The following SNTG1 variants were observed in gnomAD, a reference collection of about 807,000 sequenced individuals.
The protein encoded by SNTG1 is gamma-1-syntrophin.
SNTG1 carries 39 observed loss-of-function variants against 74.7 expected under a neutral mutation model. The observed-to-expected ratio is 0.52, with a 90% CI of 0.40 to 0.68. The LOEUF (loss-of-function observed/expected upper bound fraction) is 0.68. Among genes scored for constraint, SNTG1 ranks in the 30% least tolerant of loss-of-function variants. The probability of loss-of-function intolerance (pLI) is 0.00; values close to 1 mark genes in which losing one functional copy is unlikely to be tolerated. For missense variants in SNTG1, 685 were observed against 609.5 expected (o/e 1.12, Z -1.30); for synonymous variants, 254 against 217.1 (o/e 1.17, Z -1.49).
At chr8:50,692,403 G>T (rs1345358447) in intron 15 of SNTG1, among the ~76,000 whole-genome samples, 1 of 152,018 alleles carries the variant, frequency 6.6e-6, no homozygotes, top group Non-Finnish European at 1.5e-5. Context: ...GGTCTTTGAT[G>T]ATGGTGACAT....
rs572856434 is a variant in SNTG1, at chr8:50,477,421, A to T, written c.364-25357A>T. Among the ~76,000 whole-genome samples the T allele has an allele frequency of 1.4e-4, 22 of 152,326 alleles. No homozygotes were observed. The South Asian group carries it at 4.6e-3, about 32-fold the overall frequency. On this transcript the variant is annotated intron_variant, in intron 8 of 18. Transcript: ENST00000642720. ...TAGTCTAATTATGAGAAAAAAAATC[A>T]GAAAAAAATACAATTCAGGAATATA...
intron 13 of SNTG1, among the ~76,000 whole-genome samples, chr8:50,635,653 T>C (rs2095034443): frequency 6.6e-6 from 1 of 152,086 alleles, no homozygotes; most frequent in South Asian, 2.1e-4. Context: ...ACTCAGCTTG[T>C]TGAGAATGCT....
chr8:50,752,904 A>G (rs1278861470), intron 18 of SNTG1, among the ~76,000 whole-genome samples: 7 of 151,826 alleles, frequency 4.6e-5, no homozygotes, highest in Non-Finnish European at 8.8e-5. Context: ...TGTTTTCCTT[A>G]GCTTTTTGTC....
chr8:49,982,026 T>A (rs374043961), intron 1 of SNTG1, among the ~76,000 whole-genome samples: 3 of 152,070 alleles, frequency 2.0e-5, no homozygotes, highest in Admixed American at 1.3e-4. Context: ...GAGAAAACAA[T>A]AGCTTTAAAA....
chr8:50,740,310 G>C (rs367688380), intron 17 of SNTG1, among the ~76,000 whole-genome samples: 2 of 149,512 alleles, frequency 1.3e-5, no homozygotes, highest in Non-Finnish European at 3.0e-5. Flanking sequence ...AGTGGGCAAA[G>C]GATATGAACC....
At chr8:50,450,814 A>T (rs1337433620) in intron 8 of SNTG1, 85 bp downstream of exon 8, 2 of 1,306,030 alleles carry the variant, frequency 1.5e-6, no homozygotes, top group African/African-American at 2.9e-5. Context: ...CACTTCATTC[A>T]TTAGGCAGAT....
chr8:50,540,627 C>T (rs115756874), intron 11 of SNTG1, among the ~76,000 whole-genome samples: 2 of 151,940 alleles, frequency 1.3e-5, no homozygotes, highest in Admixed American at 1.3e-4. Context: ...CTGTGTGTTT[C>T]TCTACATTGT....
At chr8:50,135,199 C>G (rs924049859) in intron 1 of SNTG1, among the ~76,000 whole-genome samples, 2 of 152,166 alleles carry the variant, frequency 1.3e-5, no homozygotes, top group Admixed American at 1.3e-4. Flanking sequence ...CTATTCATCC[C>G]CTTACCAATA....
intron 1 of SNTG1, among the ~76,000 whole-genome samples, chr8:49,981,083 A>C (rs547491019): frequency 1.3e-5 from 2 of 152,278 alleles, no homozygotes; most frequent in African/African-American, 4.8e-5. Context: ...ATCTATACAG[A>C]CTAGGTTCCT....
At chr8:50,428,075 G>T (rs938654739) in intron 4 of SNTG1, among the ~76,000 whole-genome samples, 19 of 152,150 alleles carry the variant, frequency 1.2e-4, no homozygotes, top group African/African-American at 4.3e-4. Flanking sequence ...CCAGTGCTTT[G>T]GGAGGCAAAG....
intron 1 of SNTG1, among the ~76,000 whole-genome samples, chr8:49,977,759 T>A (rs1812321119): frequency 6.6e-6 from 1 of 152,218 alleles, no homozygotes; most frequent in Admixed American, 6.5e-5. Context: ...CCATTGTCAA[T>A]CCTGTCATAG....
chr8:50,701,819 T>TCTTCTC (rs2095426989), intron 15 of SNTG1, among the ~76,000 whole-genome samples: 4 of 144,392 alleles, frequency 2.8e-5, no homozygotes, highest in African/African-American at 1.1e-4. Context: ...TTCTTCTTCT[T>TCTTCTC]CTCCTCCTCC....
chr8:50,727,042 GA>G (rs1292255866), intron 17 of SNTG1, among the ~76,000 whole-genome samples: 1 of 152,084 alleles, frequency 6.6e-6, no homozygotes, highest in Non-Finnish European at 1.5e-5. Flanking sequence ...ATACAATGTG[GA>G]ATGTCAAGAG....
chr8:49,978,057 C>A (rs543005969), intron 1 of SNTG1, among the ~76,000 whole-genome samples: 1 of 152,292 alleles, frequency 6.6e-6, no homozygotes, highest in Admixed American at 6.5e-5. Flanking sequence ...GGGCCTGTTG[C>A]CAACCCAGCT....
chr8:50,560,722 G>A (rs2094482791), intron 12 of SNTG1, among the ~76,000 whole-genome samples: 1 of 152,054 alleles, frequency 6.6e-6, no homozygotes, highest in African/African-American at 2.4e-5. Context: ...GGTTGTTGTT[G>A]GAGGGGAGGG....
At chr8:50,591,064 C>G (rs1310988694) in intron 13 of SNTG1, 147 bp downstream of exon 13, 6 of 485,800 alleles carry the variant, frequency 1.2e-5, no homozygotes, top group Non-Finnish European at 1.8e-5. Context: ...TCAGATATCT[C>G]CTTCATATTA....
At chr8:50,292,099 CCTA>C (rs1478501897) in intron 2 of SNTG1, among the ~76,000 whole-genome samples, 1 of 151,994 alleles carries the variant, frequency 6.6e-6, no homozygotes, top group East Asian at 1.9e-4. Flanking sequence ...ATAGGTTAAT[CCTA>C]CAGCTGAAAA....
chr8:49,926,085 G>T (rs1241825226), intron 1 of SNTG1, among the ~76,000 whole-genome samples: 1 of 152,016 alleles, frequency 6.6e-6, no homozygotes, highest in Non-Finnish European at 1.5e-5. Context: ...TTTTTTACTG[G>T]TTGCCTTTTC....
At chr8:50,269,489 G>T (rs969724279) in intron 2 of SNTG1, among the ~76,000 whole-genome samples, 1 of 152,118 alleles carries the variant, frequency 6.6e-6, no homozygotes, top group South Asian at 2.1e-4. Context: ...TGTAAACTAC[G>T]TCTCTCTATA....
Sources: gnomAD v4.1 joint callset for allele counts (sites outside exome capture counted in the v4.1 genomes callset) on GRCh38, gnomAD v4.1.1 for gene constraint, MANE v1.5 for transcripts, NCBI Gene and HGNC (gene_info 2026-07-23, HGNC 2026-07-21) for gene names.